USP36: variants seen among roughly 807,000 people sequenced by gnomAD.
The protein encoded by USP36 is ubiquitin carboxyl-terminal hydrolase 36.
USP36 carries 59 observed loss-of-function variants against 111.5 expected under a neutral mutation model. The ratio of observed to expected loss-of-function variants is 0.53; its 90% CI spans 0.43 to 0.66. The LOEUF is 0.66. Ranked by LOEUF, USP36 falls within the 30% of genes least tolerant of loss-of-function variation. The probability of loss-of-function intolerance (pLI) is 0.00; values close to 1 mark genes in which losing one functional copy is unlikely to be tolerated. For synonymous variants in USP36, 628 were observed against 581.0 expected, an observed-to-expected ratio of 1.08 and a Z score of -1.16; for missense variants, 1,488 against 1,468.0, an observed-to-expected ratio of 1.01 and a Z score of -0.22.
rs61757572 is a variant in USP36 at position 78,812,853 on chromosome 17, C to A, written c.1407+7G>T. 8 of 1,612,900 alleles carry A rather than the reference C, an allele frequency of 5.0e-6. No individual in the cohort carries two copies. Among genetic ancestry groups the A allele is most frequent in the Non-Finnish European group, 1.7e-6 (2 of 1,179,878 alleles). On this transcript the variant is annotated splice_region_variant and intron_variant, in intron 13 of 20. Transcript: ENST00000449938. ...GCCACTTTGGCCTCCATCATTCTCACAAATACCTTTCCAGTCAGTGGGGAG... is the reference window on the plus strand; with the variant it reads ...GCCACTTTGGCCTCCATCATTCTCAAAAATACCTTTCCAGTCAGTGGGGAG...
intron 18 of USP36, 27 bp from the exon 19 acceptor site, chr17:78,799,050 C>T (rs1426824006): frequency 3.7e-6 from 6 of 1,607,146 alleles, no homozygotes; most frequent in South Asian, 2.2e-5. Context: ...GGGGTCAGCA[C>T]GAGTGCAGGT....
chr17:78,812,486 G>A (rs1269849355), intron 13 of USP36, among the ~76,000 whole-genome samples: 2 of 151,796 alleles, frequency 1.3e-5, no homozygotes, highest in South Asian at 2.1e-4. Flanking sequence ...TCAGGAGATC[G>A]AAAGCATCCT....
Position 78,840,747 on chromosome 17 carries a change from C to CGCGGGCGCGCCACAA in USP36, c.-200_-186dup, listed in dbSNP as rs1379195308. 6.6e-6 allele frequency: 1 copy of CGCGGGCGCGCCACAA among 152,574 alleles called. No individual in the cohort carries two copies. Among genetic ancestry groups the CGCGGGCGCGCCACAA allele is most frequent in the East Asian group, 1.9e-4 (1 of 5,176 alleles). 9.5% of individuals were successfully genotyped at this position (152,574 alleles called of 1,614,324 possible). On this transcript the variant is annotated 5_prime_UTR_variant, in exon 1 of 21. Transcript: ENST00000449938. ...CGACCCCAGCCTACCCCGGCCTCTC[C>CGCGGGCGCGCCACAA]GCGGGCGCGCCACAAGCCTACGCAG...
chr17:78,798,941 A>T lies in USP36; in HGVS notation c.3207T>A (p.Val1069=), dbSNP rs777209404. The part of the protein sequence containing the change: ...DSRQARTETV[V]DDWDEEFDRG... Reference sequence around the variant, plus strand: ...GGTCAAACTCTTCGTCCCAGTCATCAACCACGGTCTCAGTCCGGGCCTGTC... The same window carrying T: ...GGTCAAACTCTTCGTCCCAGTCATCTACCACGGTCTCAGTCCGGGCCTGTC... The change falls in exon 19 of 21, where the codon GTT becomes GTA. Residue 1069 remains valine, a synonymous_variant. Coordinates refer to ENST00000449938, the MANE Select transcript of USP36 (RefSeq NM_001385174.1). This position sits in a 1 kb window ranked among gnomAD's most constrained non-coding sequence, Gnocchi z 5.1. 24 of 1,614,174 alleles carry T rather than the reference A, an allele frequency of 1.5e-5. No individual in the cohort carries two copies. In the East Asian group the frequency reaches 5.3e-4, roughly 36 times the overall value.
chr17:78,799,904 TTA>T (rs1598970482), intron 17 of USP36, 136 bp from the exon 18 acceptor site: 8 of 562,564 alleles, frequency 1.4e-5, no homozygotes, highest in East Asian at 3.9e-5. Context: ...TTTTTTTTTT[TTA>T]AAGACAGGGT....
intron 3 of USP36, among the ~76,000 whole-genome samples, chr17:78,789,548 A>C (rs2093565025): frequency 6.6e-6 from 1 of 152,228 alleles, no homozygotes; most frequent in South Asian, 2.1e-4. Context: ...TCCCCGCAAG[A>C]GGCTGCAAAG....
At chr17:78,807,745 G>C in intron 13 of USP36, 109 bp from the exon 14 acceptor site, 2 of 1,077,290 alleles carry the variant, frequency 1.9e-6, no homozygotes, top group Non-Finnish European at 2.6e-6. Context: ...CCTCTGATTA[G>C]CATGCTCAAG....
rs1555644017 is a variant in USP36 at position 78,838,380 on chromosome 17, A to AAAAC, written c.-10+206_-10+207insGTTT. Among the ~76,000 whole-genome samples, 783 of 151,250 alleles carry AAAAC rather than the reference A, an allele frequency of 5.2e-3. 8 individuals carry two copies. The highest frequency in any genetic ancestry group is 0.017 in the African/African-American group (703 of 41,066). ...GAGCAAGACTTGGTCTCAAAAAAAA[A>AAAAC]AAAAAACAAAAAACAAAAAACTTCT... On this transcript the variant is annotated intron_variant, in intron 2 of 20. Coordinates refer to ENST00000449938, the MANE Select transcript of USP36 (RefSeq NM_001385174.1).
Position 78,803,862 on chromosome 17 carries a change from G to C in USP36, c.2333C>G (p.Ser778Cys). The change falls in exon 16 of 21, where the codon TCC becomes TGC. Residue 778 changes from serine (S) to cysteine (C), a missense_variant. This residue lies in a region of USP36 where 1,073 missense variants were observed against 994.1 expected (regional missense o/e 1.08). Transcript: ENST00000449938. The surrounding 1 kb of genome is among the most constrained non-coding windows in gnomAD (Gnocchi z 4.6). ...PPGTSEPRSCSSISTALPQVN... is the reference protein window; with the variant it reads ...PPGTSEPRSCCSISTALPQVN... ...CTGAGGCAGCGCCGTCGAGATGGAGGAGCAGCTCCGTGGTTCTGACGTCCC... is the reference window on the plus strand; with the variant it reads ...CTGAGGCAGCGCCGTCGAGATGGAGCAGCAGCTCCGTGGTTCTGACGTCCC... The C allele has an allele frequency of 6.2e-7, 1 of 1,612,280 alleles. No homozygotes were observed. Among genetic ancestry groups the C allele is most frequent in the Non-Finnish European group, 8.5e-7 (1 of 1,179,884 alleles).
Position 78,828,954 on chromosome 17 carries a change from C to A in USP36, c.529G>T (p.Ala177Ser), listed in dbSNP as rs1427541861. 2.5e-6 allele frequency: 4 copies of A among 1,614,020 alleles called. No individual in the cohort carries two copies. The East Asian group carries it at 8.9e-5, about 36-fold the overall frequency. Residue 177 changes from alanine (A) to serine (S), a missense_variant, in exon 5 of 21, where the codon GCC becomes TCC. Around this residue, in one of 3 missense-constraint regions of USP36, gnomAD observed 196 missense variants for 264.4 expected, o/e 0.74. Coordinates refer to ENST00000449938, the MANE Select transcript of USP36 (RefSeq NM_001385174.1). The part of the protein sequence containing the change: ...LCVMQNHIVQ[A>S]FANSGNAIKP... ...ATGGCGTTGCCGCTGTTGGCGAAGG[C>A]CTGGACAATGTGGTTCTGCATGACA...
At chr17:78,818,994 ATTCT>A in intron 9 of USP36, 3 of 477,500 alleles carry the variant, frequency 6.3e-6, no homozygotes, top group Non-Finnish European at 1.1e-5. Flanking sequence ...AAGTGGGAAG[ATTCT>A]AAAGCAAAAA....
chr17:78,801,492 G>A (rs958286568), intron 17 of USP36, among the ~76,000 whole-genome samples: 20 of 152,138 alleles, frequency 1.3e-4, no homozygotes, highest in Admixed American at 9.8e-4. Context: ...ACTCAAGCTC[G>A]GCCCCCTATA....
chr17:78,823,532 G>C (rs1165095195), intron 6 of USP36, among the ~76,000 whole-genome samples: 1 of 152,192 alleles, frequency 6.6e-6, no homozygotes, highest in Non-Finnish European at 1.5e-5. Context: ...AAGGGCAGTA[G>C]AGAACAGCTG....
chr17:78,810,758 C>G (rs1253120207), intron 13 of USP36, among the ~76,000 whole-genome samples: 2 of 152,144 alleles, frequency 1.3e-5, no homozygotes, highest in African/African-American at 4.8e-5. Context: ...GTGAAAGGCC[C>G]TGACTGCCTG....
In USP36 at chr17:78,819,558, C is replaced by T. The variant is rs188269557; in HGVS notation, c.911+372G>A. 1.7e-4 allele frequency among the ~76,000 whole-genome samples: 26 copies of T among 152,360 alleles called. 1 individual carries two copies. The East Asian group carries it at 2.7e-3, about 16-fold the overall frequency. On this transcript the variant is annotated intron_variant, in intron 9 of 20. Coordinates refer to ENST00000449938, the MANE Select transcript of USP36 (RefSeq NM_001385174.1). ...GGGCACAGTCCCTGGGGCGGCCGCC[C>T]GGTGCCAGCCAGTGTGAACTGATGT...
intron 13 of USP36, among the ~76,000 whole-genome samples, chr17:78,811,500 C>G (rs1350786778): frequency 1.3e-5 from 2 of 152,174 alleles, no homozygotes; most frequent in Admixed American, 1.3e-4. Context: ...CAAAGACACT[C>G]TCTTACATAA....
chr17:78,805,519 C>A (rs1320163910), intron 15 of USP36, among the ~76,000 whole-genome samples: 2 of 152,128 alleles, frequency 1.3e-5, no homozygotes, highest in Non-Finnish European at 2.9e-5. Flanking sequence ...CATGACTCAC[C>A]CCATCTTTCA....
At chr17:78,814,291 G>T in intron 11 of USP36, 121 bp downstream of exon 11, 1 of 1,377,852 alleles carries the variant, frequency 7.3e-7, no homozygotes, top group Non-Finnish European at 9.7e-7. Flanking sequence ...ACGAGGACTT[G>T]AATACAACCA....
In USP36 at chr17:78,807,479, G is replaced by A; in HGVS notation, c.1565C>T (p.Pro522Leu). ...GTCTAGGATGGTTGGCATGTGTGTGGGTGTCTGGGAGAGTTTGGGGGAAGG... is the reference window on the plus strand; with the variant it reads ...GTCTAGGATGGTTGGCATGTGTGTGAGTGTCTGGGAGAGTTTGGGGGAAGG... ...GSPSPKLSQT[P>L]THMPTILDDP... The change falls in exon 14 of 21, where the codon CCC becomes CTC. Residue 522 changes from proline to leucine, a missense_variant. This residue lies in a region of USP36 where 1,073 missense variants were observed against 994.1 expected (regional missense o/e 1.08). Coordinates refer to ENST00000449938, the MANE Select transcript of USP36 (RefSeq NM_001385174.1). 6.2e-7 allele frequency: 1 copy of A among 1,614,076 alleles called. No individual in the cohort carries two copies. Among genetic ancestry groups the A allele is most frequent in the Non-Finnish European group, 8.5e-7 (1 of 1,179,986 alleles).
Sources: gnomAD v4.1 joint callset for allele counts (sites outside exome capture counted in the v4.1 genomes callset) on GRCh38, gnomAD v4.1.1 for gene constraint, gnomAD v4.1.1 regional missense constraint, Gnocchi (gnomAD v3.1) non-coding constraint, MANE v1.5 for transcripts, NCBI Gene and HGNC (gene_info 2026-07-23, HGNC 2026-07-21) for gene names.